PSD3: variants seen among roughly 807,000 people sequenced by gnomAD.
The protein encoded by PSD3 is pleckstrin and Sec7 domain containing 3, also known as PH and SEC7 domain-containing protein 3.
A neutral mutation model predicts 105.5 loss-of-function variants in PSD3; 49 were observed. The ratio of observed to expected loss-of-function variants is 0.46; its 90% CI spans 0.37 to 0.59. The LOEUF (loss-of-function observed/expected upper bound fraction) is 0.59. Among genes scored for constraint, PSD3 ranks in the 20% least tolerant of loss-of-function variants. The pLI, the probability that PSD3 is intolerant of heterozygous loss-of-function variation, is 0.00. For missense variants in PSD3, 1,561 were observed against 1,263.8 expected (o/e 1.24, Z -3.57); for synonymous variants, 557 against 457.8 (o/e 1.22, Z -2.77).
chr8:18,732,291 C>G (rs1179063049), intron 9 of PSD3, among the ~76,000 whole-genome samples: 1 of 152,194 alleles, frequency 6.6e-6, no homozygotes, highest in East Asian at 1.9e-4. Context: ...ATAGAACTAT[C>G]TGGACACACC....
chr8:19,049,660 T>C (rs1161861484), intron 1 of PSD3, among the ~76,000 whole-genome samples: 1 of 122,476 alleles, frequency 8.2e-6, no homozygotes. Flanking sequence ...CACTGCAGTC[T>C]AACCTGGGTG....
rs1407317808 is a variant in PSD3, at chr8:18,869,259, G to A, written c.1239-1190C>T. On this transcript the variant is annotated intron_variant, in intron 3 of 15. Coordinates refer to ENST00000327040, the MANE Select transcript of PSD3 (RefSeq NM_015310.4). ...GGCTGGGGTGCATTGGTGCAATCTC[G>A]GCTCACTGCAGCCTCCGCCTCCCAG... Among the ~76,000 whole-genome samples the A allele has an allele frequency of 2.1e-5, 3 of 140,972 alleles. No individual in the cohort carries two copies. In the East Asian group the frequency reaches 6.1e-4, roughly 29 times the overall value. The allele number at this position is 140,972 out of a possible 152,430, so 92.5% of individuals were successfully genotyped here.
intron 1 of PSD3, among the ~76,000 whole-genome samples, chr8:19,045,874 C>G (rs1038825469): frequency 1.3e-5 from 2 of 152,222 alleles, no homozygotes; most frequent in Non-Finnish European, 2.9e-5. Context: ...TGTTTTTATT[C>G]CCAGTTGAAT....
chr8:18,663,672 C>T (rs1809518381), intron 9 of PSD3, among the ~76,000 whole-genome samples: 1 of 152,146 alleles, frequency 6.6e-6, no homozygotes, highest in Non-Finnish European at 1.5e-5. Context: ...CTTAACTATG[C>T]TAGTATGAAT....
intron 9 of PSD3, among the ~76,000 whole-genome samples, chr8:18,700,631 C>T (rs1282698923): frequency 6.6e-6 from 1 of 152,250 alleles, no homozygotes; most frequent in Non-Finnish European, 1.5e-5. Flanking sequence ...AGCCAAGCCT[C>T]GAGACCTCTC....
At chr8:18,852,786 C>T (rs1366891692) in intron 4 of PSD3, among the ~76,000 whole-genome samples, 1 of 152,192 alleles carries the variant, frequency 6.6e-6, no homozygotes, top group African/African-American at 2.4e-5. Flanking sequence ...GAAGTCCTCA[C>T]GTGCCTCACA....
chr8:18,868,576 A>C (rs1817115313), intron 3 of PSD3, among the ~76,000 whole-genome samples: 3 of 152,116 alleles, frequency 2.0e-5, no homozygotes, highest in Non-Finnish European at 4.4e-5. Context: ...CCCTGCTGAC[A>C]ACAGAGCAGC....
intron 14 of PSD3, among the ~76,000 whole-genome samples, chr8:18,561,379 G>C (rs534408205): frequency 6.6e-6 from 1 of 152,166 alleles, no homozygotes; most frequent in African/African-American, 2.4e-5. Flanking sequence ...GACCGGCACA[G>C]AAAGACAGAT....
intron 4 of PSD3, among the ~76,000 whole-genome samples, chr8:18,863,327 G>A (rs767602466): frequency 9.8e-5 from 15 of 152,290 alleles, no homozygotes; most frequent in Non-Finnish European, 1.8e-4. Context: ...CCATTGAAAC[G>A]TGTATAATTG....
At chr8:18,895,046 C>A (rs1197185972) in intron 2 of PSD3, among the ~76,000 whole-genome samples, 2 of 152,180 alleles carry the variant, frequency 1.3e-5, no homozygotes, top group Admixed American at 1.3e-4. Context: ...CCACCCCACC[C>A]TTTGAAAGAC....
chr8:18,871,333 A>G (rs892971770), intron 3 of PSD3, among the ~76,000 whole-genome samples: 4 of 152,168 alleles, frequency 2.6e-5, no homozygotes, highest in Admixed American at 6.5e-5. Flanking sequence ...AATCTGTCAA[A>G]TGTTAAGAAA....
At chr8:19,032,105 C>T (rs1280372030) in intron 1 of PSD3, among the ~76,000 whole-genome samples, 1 of 152,148 alleles carries the variant, frequency 6.6e-6, no homozygotes, top group African/African-American at 2.4e-5. Flanking sequence ...TAATCTGAAA[C>T]CAATGGACCC....
At chr8:18,561,455 AC>A (rs1276065070) in intron 14 of PSD3, among the ~76,000 whole-genome samples, 2 of 152,194 alleles carry the variant, frequency 1.3e-5, no homozygotes, top group African/African-American at 4.8e-5. Flanking sequence ...AATGGTGGTT[AC>A]CAGAGGCTGG....
rs571500372 is a variant in PSD3 at position 18,786,105 on chromosome 8, G to T, written c.2082+13190C>A. On this transcript the variant is annotated intron_variant, in intron 8 of 15. Transcript: ENST00000327040. ...TGTGGTCCCAGCTGCTCGGGAGGCT[G>T]AGGCAGGAGAATGACGTGAACCCGG... Among the ~76,000 whole-genome samples the T allele has an allele frequency of 2.0e-4, 31 of 152,294 alleles. No individual in the cohort carries two copies. The South Asian group carries it at 6.0e-3, about 30-fold the overall frequency.
At chr8:18,972,516 A>C (rs1824713925) in intron 1 of PSD3, among the ~76,000 whole-genome samples, 1 of 152,234 alleles carries the variant, frequency 6.6e-6, no homozygotes, top group Non-Finnish European at 1.5e-5. Flanking sequence ...CCACCAATGG[A>C]GGCAGCCACT....
At chr8:19,029,152 A>C (rs1385873279) in intron 1 of PSD3, among the ~76,000 whole-genome samples, 1 of 152,174 alleles carries the variant, frequency 6.6e-6, no homozygotes, top group African/African-American at 2.4e-5. Flanking sequence ...GGTTCTTTGT[A>C]TGTCCAAATA....
intron 4 of PSD3, among the ~76,000 whole-genome samples, chr8:18,859,215 A>T (rs1036484838): frequency 1.3e-5 from 2 of 149,194 alleles, no homozygotes; most frequent in Non-Finnish European, 2.9e-5. Context: ...TAGTATTTTC[A>T]AAGAAATCCT....
intron 15 of PSD3, among the ~76,000 whole-genome samples, chr8:18,546,430 T>TC (rs1453339458): frequency 4.6e-5 from 7 of 152,098 alleles, no homozygotes; most frequent in Non-Finnish European, 4.4e-5. Context: ...ACCCAAGGAG[T>TC]CAGTGAGCCA....
chr8:18,952,933 A>G (rs1424368039), intron 1 of PSD3, among the ~76,000 whole-genome samples: 3 of 152,214 alleles, frequency 2.0e-5, no homozygotes, highest in Non-Finnish European at 4.4e-5. Flanking sequence ...AAATGATAAA[A>G]GACAACATAA....
Sources: allele counts gnomAD v4.1 joint callset (sites outside exome capture counted in the v4.1 genomes callset), GRCh38; gene constraint gnomAD v4.1.1; transcripts MANE v1.5; gene names NCBI Gene and HGNC (gene_info 2026-07-23, HGNC 2026-07-21).